PTPRD: variants seen among roughly 807,000 people sequenced by gnomAD.
The protein encoded by PTPRD is receptor-type tyrosine-protein phosphatase delta.
A neutral mutation model predicts 214.5 loss-of-function variants in PTPRD; 34 were observed. The ratio of observed to expected loss-of-function variants is 0.16; its 90% CI spans 0.12 to 0.21. The LOEUF is 0.21. Among genes scored for constraint, PTPRD ranks in the 10% least tolerant of loss-of-function variants. The pLI is 1.00. For synonymous variants in PTPRD, 1,128 were observed against 845.7 expected (o/e 1.33, Z -5.79); for missense variants, 2,545 against 2,398.7 (o/e 1.06, Z -1.27).
chr9:9,786,726 A>G (rs2098927231), intron 5 of PTPRD, among the ~76,000 whole-genome samples: 1 of 152,210 alleles, frequency 6.6e-6, no homozygotes, highest in African/African-American at 2.4e-5. Flanking sequence ...CACATACGTA[A>G]CAAACCTGCA....
chr9:10,227,150 C>T (rs1330053911), intron 3 of PTPRD, among the ~76,000 whole-genome samples: 2 of 151,936 alleles, frequency 1.3e-5, no homozygotes, highest in African/African-American at 4.8e-5. Context: ...CTTGTCAAAG[C>T]TGCAGGTATT....
chr9:9,423,617 G>A (rs1396670687), intron 8 of PTPRD, among the ~76,000 whole-genome samples: 1 of 152,144 alleles, frequency 6.6e-6, no homozygotes, highest in East Asian at 1.9e-4. Flanking sequence ...GATACGCACT[G>A]AAAGTAAATG....
chr9:10,232,404 C>G (rs577872999), intron 3 of PTPRD, among the ~76,000 whole-genome samples: 40 of 152,020 alleles, frequency 2.6e-4, no homozygotes, highest in African/African-American at 8.7e-4. Flanking sequence ...GGATGTTTCC[C>G]ACTTCCCTTT....
intron 14 of PTPRD, among the ~76,000 whole-genome samples, chr9:8,590,655 A>C (rs2094026831): frequency 6.6e-6 from 1 of 152,316 alleles, no homozygotes; most frequent in Non-Finnish European, 1.5e-5. Context: ...TGAATGACTC[A>C]AAGGAATTCT....
At chr9:9,999,292 G>C (rs1166648740) in intron 4 of PTPRD, among the ~76,000 whole-genome samples, 1 of 152,160 alleles carries the variant, frequency 6.6e-6, no homozygotes, top group African/African-American at 2.4e-5. Context: ...TGAAAGCCCA[G>C]AGGAAAGTCC....
intron 11 of PTPRD, among the ~76,000 whole-genome samples, chr9:8,863,251 A>G (rs970493149): frequency 7.2e-5 from 11 of 151,946 alleles, no homozygotes; most frequent in Non-Finnish European, 1.2e-4. Flanking sequence ...GACTGTGACA[A>G]TACTGGCTCT....
chr9:10,483,971 A>T (rs1003022217), intron 2 of PTPRD, among the ~76,000 whole-genome samples: 3 of 152,152 alleles, frequency 2.0e-5, no homozygotes, highest in African/African-American at 7.2e-5. Context: ...AAACATTCAA[A>T]CATGTATATC....
chr9:9,608,345 A>G (rs1386487095), intron 7 of PTPRD, among the ~76,000 whole-genome samples: 1 of 152,190 alleles, frequency 6.6e-6, no homozygotes, highest in African/African-American at 2.4e-5. Flanking sequence ...ATTTAACCTT[A>G]TTGATACATC....
intron 2 of PTPRD, among the ~76,000 whole-genome samples, chr9:10,381,673 C>A (rs1462584856): frequency 6.6e-6 from 1 of 151,938 alleles, no homozygotes; most frequent in East Asian, 1.9e-4. Context: ...GGACATAACT[C>A]TTTCAGGAAA....
chr9:8,735,359 G>A (rs984906205), intron 11 of PTPRD, among the ~76,000 whole-genome samples: 1 of 151,664 alleles, frequency 6.6e-6, no homozygotes, highest in Non-Finnish European at 1.5e-5. Flanking sequence ...AACCAAGCTG[G>A]TCTCAAACTC....
intron 8 of PTPRD, among the ~76,000 whole-genome samples, chr9:9,439,464 T>C (rs1293110711): frequency 6.6e-6 from 1 of 152,210 alleles, no homozygotes; most frequent in Non-Finnish European, 1.5e-5. Context: ...TATCAGATTC[T>C]GTTTTCATTT....
chr9:9,053,338 T>C (rs150897383), intron 10 of PTPRD, among the ~76,000 whole-genome samples: 5 of 152,194 alleles, frequency 3.3e-5, no homozygotes, highest in Admixed American at 3.3e-4. Context: ...TTGAATCCTT[T>C]TGTTAGTCAT....
chr9:9,896,285 A>G (rs896741046), intron 5 of PTPRD, among the ~76,000 whole-genome samples: 16 of 152,116 alleles, frequency 1.1e-4, no homozygotes, highest in African/African-American at 3.6e-4. Flanking sequence ...GAAAGTTTTA[A>G]AGACAAGGTA....
intron 9 of PTPRD, among the ~76,000 whole-genome samples, chr9:9,330,911 T>A (rs913013192): frequency 2.0e-5 from 3 of 151,872 alleles, no homozygotes; most frequent in African/African-American, 7.2e-5. Flanking sequence ...AGAGCTTTTT[T>A]TTTTTTTGAA....
chr9:9,798,218 T>C (rs1326726590), intron 5 of PTPRD, among the ~76,000 whole-genome samples: 5 of 152,018 alleles, frequency 3.3e-5, no homozygotes, highest in Non-Finnish European at 7.4e-5. Context: ...TATTCATTCC[T>C]CACTAGATTT....
rs112023333 is a variant in PTPRD at position 9,708,378 on chromosome 9, C to T, written c.-287+26155G>A. On this transcript the variant is annotated intron_variant, in intron 7 of 45. Coordinates refer to ENST00000381196, the MANE Select transcript of PTPRD (RefSeq NM_002839.4). ...GATAAGAGAAGAAACCCAAATGAGA[C>T]AGACTATATTTCATTTATTCTTACT... 7.9e-3 allele frequency among the ~76,000 whole-genome samples: 1,201 copies of T among 152,178 alleles called. 16 individuals are homozygous for T. Among genetic ancestry groups the T allele is most frequent in the African/African-American group, 0.028 (1,148 of 41,550 alleles).
intron 9 of PTPRD, among the ~76,000 whole-genome samples, chr9:9,286,230 TGA>T: frequency 6.6e-6 from 1 of 151,980 alleles, no homozygotes; most frequent in South Asian, 2.1e-4. Context: ...CCATTGCTAC[TGA>T]CTTACATCAT....
At chr9:9,750,402 C>G (rs1216919147) in intron 6 of PTPRD, among the ~76,000 whole-genome samples, 1 of 152,076 alleles carries the variant, frequency 6.6e-6, no homozygotes, top group African/African-American at 2.4e-5. Flanking sequence ...ACTCCCTCAG[C>G]TTATATACAA....
intron 9 of PTPRD, among the ~76,000 whole-genome samples, chr9:9,334,013 A>G (rs553967839): frequency 4.6e-5 from 7 of 152,098 alleles, no homozygotes; most frequent in Admixed American, 2.0e-4. Flanking sequence ...GCTAGTCTGT[A>G]CATTTAATAA....
Sources: allele counts gnomAD v4.1 joint callset (sites outside exome capture counted in the v4.1 genomes callset), GRCh38; gene constraint gnomAD v4.1.1; transcripts MANE v1.5; gene names NCBI Gene and HGNC (gene_info 2026-07-23, HGNC 2026-07-21).